NOP16: variants seen among roughly 807,000 people sequenced by gnomAD.
NOP16 encodes the protein nucleolar protein 16.
Under a neutral mutation model 22.7 loss-of-function variants are expected in NOP16, and 14 were observed. The observed-to-expected ratio is 0.62, with a 90% CI of 0.41 to 0.97. NOP16 has a LOEUF of 0.97. NOP16 is among the 50% of genes least tolerant of loss of function. NOP16 has a pLI of 0.00. For synonymous variants in NOP16, 80 were observed against 83.6 expected, an observed-to-expected ratio of 0.96 and a Z score of 0.23; for missense variants, 198 against 235.9, an observed-to-expected ratio of 0.84 and a Z score of 1.05.
At position 176,384,310 on chromosome 5, in the gene NOP16, T is replaced by G; in HGVS notation, c.458A>C (p.Asn153Thr). 1 of 1,614,250 alleles carries G rather than the reference T, an allele frequency of 6.2e-7. No homozygotes were observed. Among genetic ancestry groups the G allele is most frequent in the Non-Finnish European group, 8.5e-7 (1 of 1,180,040 alleles). Residue 153 changes from asparagine (N) to threonine (T), a missense_variant, in exon 5 of 5, where the codon AAC becomes ACC. By Grantham distance (65) the Asn-to-Thr change is moderately conservative. Transcript: ENST00000614830. Reference protein sequence around the residue: ...DTPKQIRSKINVYKRFYPAEW... With the variant: ...DTPKQIRSKITVYKRFYPAEW... Reference sequence around the variant, plus strand: ...TGCTGGGTAAAAGCGTTTATAGACGTTGATCTTACTCCGAATCTGTTTTGG... The same window carrying G: ...TGCTGGGTAAAAGCGTTTATAGACGGTGATCTTACTCCGAATCTGTTTTGG...
At chr5:176,385,527 A>T (rs539933475) in intron 3 of NOP16, among the ~76,000 whole-genome samples, 200 bp from the exon 4 acceptor site, 1 of 152,190 alleles carries the variant, frequency 6.6e-6, no homozygotes, top group East Asian at 1.9e-4. Flanking sequence ...GTCTCCTATG[A>T]CCCACTCATC....
chr5:176,383,956 T>C lies in NOP16; in HGVS notation c.*275A>G, dbSNP rs781158727. The C allele has an allele frequency of 3.2e-5, 48 of 1,493,518 alleles. No homozygotes were observed. The South Asian group carries it at 5.8e-4, about 18-fold the overall frequency. The allele number at this position is 1,493,518 out of a possible 1,614,324, so 92.5% of individuals were successfully genotyped here. A position where few individuals can be genotyped will look rare whatever the true frequency, so the allele number is the denominator to read the frequency against. On this transcript the variant is annotated 3_prime_UTR_variant, in exon 5 of 5. Coordinates refer to ENST00000614830, the MANE Select transcript of NOP16 (RefSeq NM_016391.8). ...AAATCATCAGAGAAGTAAAATATAT[T>C]TGCTTTATTATGTACACACTATATT...
chr5:176,384,971 A>G (rs1239211439), intron 4 of NOP16: 2 of 581,120 alleles, frequency 3.4e-6, no homozygotes, highest in African/African-American at 3.7e-5. Context: ...GAAAACAAAA[A>G]CAAACCAAAA....
At chr5:176,385,945 T>C (rs897601673) in intron 3 of NOP16, 7 of 152,536 alleles carry the variant, frequency 4.6e-5, no homozygotes, top group African/African-American at 1.4e-4. Context: ...AGAAATGAAG[T>C]AGTCGAATCA....
intron 3 of NOP16, chr5:176,386,217 A>C (rs574488126): frequency 6.2e-4 from 96 of 156,042 alleles, no homozygotes; most frequent in Non-Finnish European, 1.1e-3. Flanking sequence ...CTTTGACTAC[A>C]GTAAGTGCCT....
chr5:176,385,174 G>T, intron 4 of NOP16, 47 bp downstream of exon 4: 1 of 1,051,874 alleles, frequency 9.5e-7, no homozygotes, highest in Non-Finnish European at 1.5e-6. Flanking sequence ...AGCCGCGAAT[G>T]GTCCAGGGCG....
chr5:176,388,307 C>G lies in NOP16; in HGVS notation c.144G>C (p.Ser48=), dbSNP rs941448956. 2.0e-5 allele frequency: 33 copies of G among 1,614,062 alleles called. No homozygotes were observed. Among genetic ancestry groups the G allele is most frequent in the Non-Finnish European group, 2.8e-5 (33 of 1,180,038 alleles). Residue 48 remains serine, a synonymous_variant, in exon 2 of 5, where the codon TCG becomes TCC. Transcript: ENST00000614830. The part of the protein sequence containing the change: ...HIRHAWDHAK[S]VRQNLAEMGL... ...CCATCTCGGCCAGGTTCTGCCGTAC[C>G]GATTTAGCGTGGTCCCAGGCATGTC...
intron 3 of NOP16, chr5:176,386,398 G>C (rs2113588388): frequency 4.1e-6 from 1 of 246,106 alleles, no homozygotes; most frequent in African/African-American, 2.2e-5. Flanking sequence ...AAGAATTCTA[G>C]AGTATTCCCA....
At chr5:176,385,074 C>T in intron 4 of NOP16, 147 bp downstream of exon 4, 1 of 667,174 alleles carries the variant, frequency 1.5e-6, no homozygotes, top group East Asian at 2.7e-5. Flanking sequence ...CAAGTTAGAT[C>T]CCTGTCAATG....
intron 4 of NOP16, 78 bp from the exon 5 acceptor site, chr5:176,384,452 C>A: frequency 7.0e-7 from 1 of 1,422,392 alleles, no homozygotes. Context: ...ATTAGGCAAG[C>A]CACTTGCTAT....
intron 4 of NOP16, chr5:176,384,815 A>C: frequency 2.4e-6 from 1 of 409,114 alleles, no homozygotes; most frequent in Non-Finnish European, 4.3e-6. Flanking sequence ...GCCAGGGAGG[A>C]GCTGGGGCCA....
At chr5:176,386,696 C>A in intron 3 of NOP16, 144 bp downstream of exon 3, 1 of 769,754 alleles carries the variant, frequency 1.3e-6, no homozygotes, top group South Asian at 1.4e-5. Flanking sequence ...AGGACACAGT[C>A]CTAACTCTGT....
intron 2 of NOP16, 73 bp downstream of exon 2, chr5:176,388,162 G>C (rs1561784544): frequency 8.6e-7 from 1 of 1,164,176 alleles, no homozygotes; most frequent in Admixed American, 1.8e-5. Context: ...GCAGTACCAC[G>C]TTCTGACACC....
intron 3 of NOP16, chr5:176,386,596 G>T: frequency 1.7e-6 from 1 of 586,484 alleles, no homozygotes; most frequent in Non-Finnish European, 3.2e-6. Context: ...ATTCTCCCAG[G>T]CACCTGGGTA....
At chr5:176,387,811 A>C (rs1756004405) in intron 2 of NOP16, among the ~76,000 whole-genome samples, 1 of 152,190 alleles carries the variant, frequency 6.6e-6, no homozygotes, top group Non-Finnish European at 1.5e-5. Flanking sequence ...CTGAGGTGGG[A>C]TATAGCTTGA....
chr5:176,385,091 A>G, intron 4 of NOP16, 130 bp downstream of exon 4: 1 of 710,410 alleles, frequency 1.4e-6, no homozygotes. Context: ...AATGGGATCC[A>G]TTTCCTAGAG....
chr5:176,384,321 C>T lies in NOP16; in HGVS notation c.447G>A (p.Arg149=). Residue 149 remains arginine, a synonymous_variant, in exon 5 of 5, where the codon CGG becomes CGA. Coordinates refer to ENST00000614830, the MANE Select transcript of NOP16 (RefSeq NM_016391.8). Reference sequence around the variant, plus strand: ...AGCGTTTATAGACGTTGATCTTACTCCGAATCTGTTTTGGGGTATCTTGAT... The same window carrying T: ...AGCGTTTATAGACGTTGATCTTACTTCGAATCTGTTTTGGGGTATCTTGAT... ...NYYQDTPKQI[R]SKINVYKRFY... The T allele has an allele frequency of 6.2e-7, 1 of 1,614,232 alleles. No individual in the cohort carries two copies. The highest frequency in any genetic ancestry group is 8.5e-7 in the Non-Finnish European group (1 of 1,180,036).
At chr5:176,388,191 G>A (rs1756042899) in intron 2 of NOP16, 44 bp downstream of exon 2, 5 of 1,401,120 alleles carry the variant, frequency 3.6e-6, no homozygotes, top group South Asian at 1.2e-5. Context: ...TATGGCGGGG[G>A]AAGAGTAAAG....
intron 2 of NOP16, 182 bp from the exon 3 acceptor site, chr5:176,387,091 T>A: frequency 1.7e-6 from 1 of 585,282 alleles, no homozygotes; most frequent in Non-Finnish European, 3.0e-6. Flanking sequence ...TTTTTTTTTC[T>A]TTTTCTTTTT....
Sources: allele counts gnomAD v4.1 joint callset (sites outside exome capture counted in the v4.1 genomes callset), GRCh38; gene constraint gnomAD v4.1.1; transcripts MANE v1.5; gene names NCBI Gene and HGNC (gene_info 2026-07-23, HGNC 2026-07-21).